The following CPLANE1 variants were observed in gnomAD, a reference collection of about 807,000 sequenced individuals.
CPLANE1 encodes the protein ciliogenesis and planar polarity effector 1.
Under a neutral mutation model 362.5 loss-of-function variants are expected in CPLANE1, and 263 were observed. That is an observed-to-expected ratio of 0.73 (90% CI 0.66 to 0.80). The LOEUF (loss-of-function observed/expected upper bound fraction) is 0.80, where lower values mean the gene tolerates loss of function less well. Ranked by LOEUF, CPLANE1 falls within the 30% of genes least tolerant of loss-of-function variation. The pLI, the probability that CPLANE1 is intolerant of heterozygous loss-of-function variation, is 0.00. For missense variants in CPLANE1, 3,461 were observed against 3,793.4 expected (o/e 0.91, Z 2.30); for synonymous variants, 1,212 against 1,302.6 (o/e 0.93, Z 1.50).
At chr5:37,156,669 A>G (rs1775199773) in intron 41 of CPLANE1, among the ~76,000 whole-genome samples, 1 of 152,166 alleles carries the variant, frequency 6.6e-6, no homozygotes, top group Non-Finnish European at 1.5e-5. Context: ...AGTCTTCTAA[A>G]TCTTGCAAAA....
chr5:37,180,990 C>T lies in CPLANE1; in HGVS notation c.5437G>A (p.Asp1813Asn). The T allele has an allele frequency of 6.2e-7, 1 of 1,613,826 alleles. No individual in the cohort carries two copies. Among genetic ancestry groups the T allele is most frequent in the Non-Finnish European group, 8.5e-7 (1 of 1,179,924 alleles). Residue 1813 changes from aspartate (D) to asparagine (N), a missense_variant, in exon 27 of 53, where the codon GAC (aspartate) becomes AAC (asparagine). This residue lies in a region of CPLANE1 where 3,380 missense variants were observed against 3,666.1 expected (regional missense o/e 0.92). Coordinates refer to ENST00000651892, the MANE Select transcript of CPLANE1 (RefSeq NM_001384732.1). ...TTGGGTCCAATCTGACACCCAGTGT[C>T]ACGATTCTCTACCATCTAAAGCAAA... Reference protein sequence around the residue: ...NAIIKMVENRDTGCQIGPNIE... With the variant: ...NAIIKMVENRNTGCQIGPNIE...
rs967859666 is a variant in CPLANE1 at position 37,117,191 on chromosome 5, T to C, written c.9311-2142A>G. Among the ~76,000 whole-genome samples the C allele has an allele frequency of 5.3e-5, 8 of 152,180 alleles. No homozygotes were observed. In the East Asian group the frequency reaches 1.3e-3, roughly 26 times the overall value. ...AAATAGCTATGCTTAGGCAAAAAGC[T>C]CAATAACCATTTTTTCCATTTATCC... On this transcript the variant is annotated intron_variant, in intron 50 of 52. Coordinates refer to ENST00000651892, the MANE Select transcript of CPLANE1 (RefSeq NM_001384732.1).
chr5:37,171,521 A>C (rs1779779601), intron 32 of CPLANE1, among the ~76,000 whole-genome samples: 1 of 152,216 alleles, frequency 6.6e-6, no homozygotes, highest in Non-Finnish European at 1.5e-5. Context: ...GAAGGTAAAG[A>C]CTTCAAAGTG....
chr5:37,232,684 CA>C (rs989422468), intron 8 of CPLANE1, among the ~76,000 whole-genome samples: 1 of 149,216 alleles, frequency 6.7e-6, no homozygotes, highest in Non-Finnish European at 1.5e-5. Flanking sequence ...CAAAAAAAAA[CA>C]AAAAAACAGT....
intron 47 of CPLANE1, chr5:37,124,770 C>T: frequency 4.7e-6 from 2 of 428,298 alleles, no homozygotes; most frequent in Non-Finnish European, 6.2e-6. Flanking sequence ...GCCCAGGATG[C>T]TCTCAACTCT....
At chr5:37,141,011 G>A in intron 44 of CPLANE1, 2 of 985,312 alleles carry the variant, frequency 2.0e-6, no homozygotes, top group Non-Finnish European at 2.4e-6. Flanking sequence ...TTAGACTCTG[G>A]CAACACTAAA....
intron 8 of CPLANE1, among the ~76,000 whole-genome samples, chr5:37,238,032 A>G (rs1799400486): frequency 6.6e-6 from 1 of 152,198 alleles, no homozygotes; most frequent in Non-Finnish European, 1.5e-5. Flanking sequence ...CTTTAAAAAA[A>G]TTAGCTACAT....
chr5:37,093,437 C>A, the CPLANE1 span, among the ~76,000 whole-genome samples: 1 of 152,070 alleles, frequency 6.6e-6, no homozygotes, highest in African/African-American at 2.4e-5. Flanking sequence ...TGAAACAACA[C>A]CTCTGGGGAA....
chr5:37,195,217 G>T (rs1263799679), intron 21 of CPLANE1, among the ~76,000 whole-genome samples: 2 of 151,756 alleles, frequency 1.3e-5, no homozygotes, highest in African/African-American at 4.8e-5. Flanking sequence ...GATTAAGGAA[G>T]GATTAAGGAG....
the CPLANE1 span, chr5:37,085,571 C>A: frequency 1.2e-6 from 1 of 848,100 alleles, no homozygotes; most frequent in East Asian, 2.4e-5. Flanking sequence ...CTGTTTTCAT[C>A]AAGTTCAACA....
chr5:37,123,884 C>T (rs913164163), intron 47 of CPLANE1, among the ~76,000 whole-genome samples: 5 of 148,442 alleles, frequency 3.4e-5, no homozygotes, highest in African/African-American at 5.0e-5. Flanking sequence ...TCACTGACAG[C>T]GAGAAGGTAA....
chr5:37,238,992 T>C (rs1268278892), intron 7 of CPLANE1, 32 bp from the exon 8 acceptor site: 3 of 1,095,226 alleles, frequency 2.7e-6, no homozygotes, highest in Non-Finnish European at 2.6e-6. Context: ...AGAAAACTAT[T>C]AAAATTATTT....
Position 37,239,701 on chromosome 5 carries a change from A to G in CPLANE1, c.834+12T>C. ...TTTTATAGATTACTTTCTAAGACAG[A>G]TATTTACTGACCTTGGGGTCTTTCT... On this transcript the variant is annotated intron_variant, in intron 7 of 52. Transcript: ENST00000651892. 2.1e-6 allele frequency: 3 copies of G among 1,452,344 alleles called. No homozygotes were observed. Among genetic ancestry groups the G allele is most frequent in the East Asian group, 2.6e-5 (1 of 39,208 alleles). The allele number at this position is 1,452,344 out of a possible 1,614,324, so 90.0% of individuals were successfully genotyped here.
intron 2 of CPLANE1, 93 bp downstream of exon 2, chr5:37,247,525 T>C (rs576170189): frequency 8.3e-5 from 91 of 1,091,354 alleles, no homozygotes; most frequent in Non-Finnish European, 1.1e-4. Flanking sequence ...TGATGTTTTA[T>C]TTATTTAAGA....
the CPLANE1 span, among the ~76,000 whole-genome samples, chr5:37,091,288 T>C: frequency 6.6e-6 from 1 of 152,222 alleles, no homozygotes; most frequent in African/African-American, 2.4e-5. Context: ...ACACCCTTCC[T>C]AGAGAGTCCA....
chr5:37,217,545 T>G (rs904467989), intron 15 of CPLANE1, among the ~76,000 whole-genome samples: 8 of 151,934 alleles, frequency 5.3e-5, no homozygotes, highest in African/African-American at 1.4e-4. Context: ...AGGCCGAAGT[T>G]GCAGTGAGCC....
Position 37,170,613 on chromosome 5 carries a change from C to G in CPLANE1, c.6172-282G>C, listed in dbSNP as rs367881094. 6.6e-5 allele frequency among the ~76,000 whole-genome samples: 10 copies of G among 152,144 alleles called. No individual in the cohort carries two copies. The East Asian group carries it at 9.7e-4, about 15-fold the overall frequency. On this transcript the variant is annotated intron_variant, in intron 32 of 52. Transcript: ENST00000651892. ...TACAGTATTCAGTTTCCATAAACAT[C>G]CCAGGGATCAAAGGAGTGGGATAAA...
Position 37,145,114 on chromosome 5 carries a change from G to GC in CPLANE1, c.8462-2635dup, listed in dbSNP as rs563607598. Reference sequence around the variant, plus strand: ...AGGTCAAGAGACTGAGACCATCCTGGCCAACATGGTGAAACCCCATCTCTA... The same window carrying GC: ...AGGTCAAGAGACTGAGACCATCCTGGCCCAACATGGTGAAACCCCATCTCTA... On this transcript the variant is annotated intron_variant, in intron 43 of 52. Coordinates refer to ENST00000651892, the MANE Select transcript of CPLANE1 (RefSeq NM_001384732.1). Among the ~76,000 whole-genome samples the GC allele has an allele frequency of 2.5e-3, 382 of 152,208 alleles. 2 individuals carry two copies. The highest frequency in any genetic ancestry group is 2.7e-3 in the Non-Finnish European group (186 of 68,000).
intron 28 of CPLANE1, 113 bp downstream of exon 28, chr5:37,179,904 C>G (rs1363201278): frequency 3.6e-6 from 2 of 559,828 alleles, no homozygotes; most frequent in Non-Finnish European, 6.0e-6. Flanking sequence ...TTATTTTAGG[C>G]TACTGTAAAC....
Sources: gnomAD v4.1 joint callset for allele counts (sites outside exome capture counted in the v4.1 genomes callset) on GRCh38, gnomAD v4.1.1 for gene constraint, gnomAD v4.1.1 regional missense constraint, MANE v1.5 for transcripts, NCBI Gene and HGNC (gene_info 2026-07-23, HGNC 2026-07-21) for gene names.